The following SCN9A variants were observed in gnomAD, a reference collection of about 807,000 sequenced individuals.
SCN9A encodes the protein sodium voltage-gated channel alpha subunit 9.
A neutral mutation model predicts 187.0 loss-of-function variants in SCN9A; 131 were observed. The ratio of observed to expected loss-of-function variants is 0.70; its 90% CI spans 0.61 to 0.81. The LOEUF (loss-of-function observed/expected upper bound fraction) is 0.81. SCN9A is among the 30% of genes least tolerant of loss of function. The pLI, the probability that SCN9A is intolerant of heterozygous loss-of-function variation, is 0.00. For missense variants in SCN9A, 2,252 were observed against 2,396.6 expected, an observed-to-expected ratio of 0.94 and a Z score of 1.26; for synonymous variants, 809 against 808.6, an observed-to-expected ratio of 1.00 and a Z score of -0.01.
chr2:166,354,628 C>G (rs1266077571), intron 1 of SCN9A, among the ~76,000 whole-genome samples: 1 of 152,132 alleles, frequency 6.6e-6, no homozygotes, highest in Non-Finnish European at 1.5e-5. Flanking sequence ...ACAAAGCGAT[C>G]AAGTATTTAA....
At position 166,293,315 on chromosome 2, in the gene SCN9A, G is replaced by A; in HGVS notation, c.1023C>T (p.Tyr341=). 6.2e-7 allele frequency: 1 copy of A among 1,607,116 alleles called. No homozygotes were observed. Among genetic ancestry groups the A allele is most frequent in the Non-Finnish European group, 8.5e-7 (1 of 1,176,684 alleles). Residue 341 remains tyrosine (Y), a synonymous_variant, in exon 9 of 27, where the codon TAC becomes TAT. Coordinates refer to ENST00000642356, the MANE Select transcript of SCN9A (RefSeq NM_001365536.1). The part of the protein sequence containing the change: ...VKIGRNPDYG[Y]TSFDTFSWAF... ...CCCAGCTGAAAGTGTCAAAGCTCGTGTAGCCATAATCAGGGTTTCTGCCAA... is the reference window on the plus strand; with the variant it reads ...CCCAGCTGAAAGTGTCAAAGCTCGTATAGCCATAATCAGGGTTTCTGCCAA...
chr2:166,327,019 C>G (rs72884720), intron 1 of SCN9A, among the ~76,000 whole-genome samples: 4,827 of 152,190 alleles, frequency 0.032, 106 homozygotes, highest in Non-Finnish European at 0.046. Flanking sequence ...AACCCCTTGA[C>G]AAAACTTTTC....
chr2:166,231,006 T>G (rs549169692), intron 21 of SCN9A, among the ~76,000 whole-genome samples: 1 of 152,336 alleles, frequency 6.6e-6, no homozygotes, highest in South Asian at 2.1e-4. Flanking sequence ...GCGGCATGAA[T>G]AAATGTCTCT....
chr2:166,263,276 T>C (rs1390857066), intron 17 of SCN9A, among the ~76,000 whole-genome samples: 3 of 152,010 alleles, frequency 2.0e-5, no homozygotes, highest in African/African-American at 4.8e-5. Context: ...CCTCACTTTT[T>C]ACAGATGTTA....
intron 1 of SCN9A, among the ~76,000 whole-genome samples, chr2:166,365,150 G>A (rs1375643626): frequency 6.6e-6 from 1 of 151,934 alleles, no homozygotes. Context: ...TGTCTTATTA[G>A]CCCTGCCCCC....
intron 18 of SCN9A, among the ~76,000 whole-genome samples, chr2:166,250,641 G>T (rs1357094892): frequency 6.6e-6 from 1 of 152,070 alleles, no homozygotes; most frequent in Non-Finnish European, 1.5e-5. Context: ...AGACAATACT[G>T]CATTATCCCT....
chr2:166,303,200 A>G lies in SCN9A; in HGVS notation c.791T>C (p.Leu264Pro). Residue 264 changes from leucine to proline, a missense_variant, in exon 7 of 27, where the codon CTA becomes CCA. Leu to Pro is a moderately conservative substitution (Grantham distance 98). Around this residue, in one of 7 missense-constraint regions of SCN9A, gnomAD observed 1,013 missense variants for 997.4 expected, o/e 1.02. Transcript: ENST00000642356. ...FCLSVFALIG[L>P]QLFMGNLKHK... The stretch of plus-strand genomic sequence containing the variant: ...CTTCAGGTTTCCCATGAACAGCTGT[A>G]GTCCAATTAGTGCAAACACACTCAG... 6.2e-7 allele frequency: 1 copy of G among 1,613,712 alleles called. No homozygotes were observed. Among genetic ancestry groups the G allele is most frequent in the Non-Finnish European group, 8.5e-7 (1 of 1,179,716 alleles).
intron 1 of SCN9A, among the ~76,000 whole-genome samples, chr2:166,357,910 AT>A (rs1700188169): frequency 1.3e-5 from 2 of 152,156 alleles, no homozygotes; most frequent in Non-Finnish European, 2.9e-5. Flanking sequence ...TAACTCCTTC[AT>A]AAAGGCCTAT....
Position 166,286,486 on chromosome 2 carries a change from A to T in SCN9A, c.1452T>A (p.Asn484Lys). 6.2e-7 allele frequency: 1 copy of T among 1,613,560 alleles called. No individual in the cohort carries two copies. The highest frequency in any genetic ancestry group is 8.5e-7 in the Non-Finnish European group (1 of 1,179,736). The change falls in exon 11 of 27, where the codon AAT becomes AAA. Residue 484 changes from asparagine to lysine, a missense_variant. Physicochemically the swap from Asn to Lys is moderately conservative, Grantham distance 94 (BLOSUM62 0). Coordinates refer to ENST00000642356, the MANE Select transcript of SCN9A (RefSeq NM_001365536.1). The part of the protein sequence containing the change: ...KERRNRRKKK[N>K]QKKLSSGEEK... ...CCTCTCCACTGGAGAGCTTCTTTTG[A>T]TTCTTTTTCTTTCTTCTGTTTCTTC...
At chr2:166,241,000 C>G (rs1307574234) in intron 19 of SCN9A, among the ~76,000 whole-genome samples, 2 of 152,062 alleles carry the variant, frequency 1.3e-5, no homozygotes, top group Admixed American at 1.3e-4. Context: ...AAAGGGGGAA[C>G]CAACAGAAAC....
intron 10 of SCN9A, among the ~76,000 whole-genome samples, chr2:166,288,158 GACAT>G (rs1233442147): frequency 6.8e-4 from 88 of 129,710 alleles, no homozygotes; most frequent in Admixed American, 2.1e-3. Context: ...TGTATATATA[GACAT>G]ACACACACAC....
intron 19 of SCN9A, 61 bp from the exon 20 acceptor site, chr2:166,238,328 A>T: frequency 1.8e-6 from 2 of 1,083,882 alleles, no homozygotes; most frequent in Non-Finnish European, 2.7e-6. Flanking sequence ...TTCATTTAAA[A>T]AAAACAGGAA....
At chr2:166,269,501 G>C (rs1260493206) in intron 17 of SCN9A, among the ~76,000 whole-genome samples, 1 of 152,018 alleles carries the variant, frequency 6.6e-6, no homozygotes, top group Non-Finnish European at 1.5e-5. Flanking sequence ...TAAGTCACAA[G>C]CCTAGGACTC....
rs1295530014 is a variant in SCN9A, at chr2:166,281,774, C to T, written c.2009G>A (p.Cys670Tyr). The change falls in exon 13 of 27, where the codon TGT (cysteine) becomes TAT (tyrosine). Residue 670 changes from cysteine (C) to tyrosine (Y), a missense_variant. Transcript: ENST00000642356. ...ATCCTCTGAAAGGAGATAGGAACTA[C>T]AACGCCTTTTCTTGTGTATTTGATT... ...TTNQIHKKRR[C>Y]SSYLLSEDML... is the part of the protein sequence containing the mutation. 4 of 1,612,898 alleles carry T rather than the reference C, an allele frequency of 2.5e-6. No individual in the cohort carries two copies. The highest frequency in any genetic ancestry group is 3.3e-5 in the Admixed American group (2 of 59,950).
chr2:166,303,632 C>T (rs1698654530), intron 6 of SCN9A, among the ~76,000 whole-genome samples: 1 of 152,120 alleles, frequency 6.6e-6, no homozygotes, highest in African/African-American at 2.4e-5. Flanking sequence ...AAACAAATTA[C>T]AGCATATAGT....
intron 3 of SCN9A, 63 bp from the exon 4 acceptor site, chr2:166,306,662 C>T (rs555773796): frequency 8.6e-7 from 1 of 1,157,418 alleles, no homozygotes; most frequent in African/African-American, 1.5e-5. Context: ...GAGGATGACA[C>T]TTGTTGAAAT....
At chr2:166,260,695 TA>T (rs1303078094) in intron 17 of SCN9A, among the ~76,000 whole-genome samples, 1 of 151,852 alleles carries the variant, frequency 6.6e-6, no homozygotes, top group Non-Finnish European at 1.5e-5. Context: ...TTCATGAGTG[TA>T]ATTTAGGAGA....
chr2:166,249,735 C>T (rs971549281), intron 18 of SCN9A, among the ~76,000 whole-genome samples: 12 of 152,100 alleles, frequency 7.9e-5, no homozygotes, highest in African/African-American at 2.7e-4. Flanking sequence ...ACAGCACCTA[C>T]AGTCTGAAAT....
intron 1 of SCN9A, among the ~76,000 whole-genome samples, chr2:166,344,536 G>C (rs1699857968): frequency 6.6e-6 from 1 of 152,024 alleles, no homozygotes; most frequent in African/African-American, 2.4e-5. Flanking sequence ...AAGAGTACTG[G>C]GCTTGGTCAA....
Sources: allele counts gnomAD v4.1 joint callset (sites outside exome capture counted in the v4.1 genomes callset), GRCh38; gene constraint gnomAD v4.1.1; regional missense constraint gnomAD v4.1.1; transcripts MANE v1.5; gene names NCBI Gene and HGNC (gene_info 2026-07-23, HGNC 2026-07-21).